The following CCDC7 variants were observed in gnomAD, a reference collection of about 807,000 sequenced individuals.
CCDC7 encodes the protein coiled-coil domain containing 7.
CCDC7 carries 183 observed loss-of-function variants against 196.9 expected under a neutral mutation model. That is an observed-to-expected ratio of 0.93 (90% CI 0.82 to 1.05). The LOEUF (loss-of-function observed/expected upper bound fraction) is 1.05. CCDC7 is among the 50% of genes least tolerant of loss of function. The pLI is 0.00. For missense variants in CCDC7, 1,540 were observed against 1,482.2 expected, an observed-to-expected ratio of 1.04 and a Z score of -0.64; for synonymous variants, 525 against 484.6, an observed-to-expected ratio of 1.08 and a Z score of -1.10.
At chr10:32,693,535 GTTACAC>G (rs1261796056) in intron 23 of CCDC7, among the ~76,000 whole-genome samples, 3 of 151,874 alleles carry the variant, frequency 2.0e-5, no homozygotes, top group South Asian at 2.1e-4. Flanking sequence ...TTGTTTTACA[GTTACAC>G]TTACAGTTGT....
chr10:32,652,169 T>A (rs1323486131), intron 20 of CCDC7, among the ~76,000 whole-genome samples: 1 of 152,206 alleles, frequency 6.6e-6, no homozygotes, highest in Non-Finnish European at 1.5e-5. Context: ...TATAATGGCT[T>A]GATTTATATT....
intron 11 of CCDC7, among the ~76,000 whole-genome samples, chr10:32,519,107 C>T (rs1279512235): frequency 1.3e-5 from 2 of 152,036 alleles, no homozygotes; most frequent in Non-Finnish European, 2.9e-5. Context: ...AGAAATCATA[C>T]AGGAGATTTG....
At chr10:32,631,063 G>T (rs1201141587) in intron 18 of CCDC7, among the ~76,000 whole-genome samples, 7 of 152,170 alleles carry the variant, frequency 4.6e-5, no homozygotes, top group Non-Finnish European at 7.3e-5. Flanking sequence ...CCATATGTAG[G>T]TTCTCTGGTT....
chr10:32,638,673 A>T (rs2066127839), intron 20 of CCDC7, among the ~76,000 whole-genome samples: 1 of 152,148 alleles, frequency 6.6e-6, no homozygotes, highest in Non-Finnish European at 1.5e-5. Flanking sequence ...TTCATCAAGG[A>T]TATTGGTCTA....
chr10:32,738,325 C>T (rs896412390), intron 28 of CCDC7, among the ~76,000 whole-genome samples: 1 of 152,130 alleles, frequency 6.6e-6, no homozygotes, highest in African/African-American at 2.4e-5. Context: ...ATTCCCATTT[C>T]CTGCCTTTTG....
chr10:32,760,680 G>A (rs1220454679), intron 28 of CCDC7, among the ~76,000 whole-genome samples: 2 of 151,642 alleles, frequency 1.3e-5, no homozygotes, highest in East Asian at 3.9e-4. Flanking sequence ...CACCAACATG[G>A]CACATGTATA....
At chr10:32,663,965 G>A (rs202240137) in intron 20 of CCDC7, 89 bp from the exon 22 acceptor site, 1 of 204,112 alleles carries the variant, frequency 4.9e-6, no homozygotes, top group Non-Finnish European at 8.5e-6. Context: ...AAATGAGACA[G>A]AATATGGCTG....
chr10:32,779,132 T>A, intron 29 of CCDC7, 48 bp downstream of exon 30: 1 of 1,352,136 alleles, frequency 7.4e-7, no homozygotes, highest in Non-Finnish European at 1.0e-6. Flanking sequence ...ATCTAAGAAT[T>A]AAAATATTTC....
intron 3 of CCDC7, 23 bp downstream of exon 4, chr10:32,456,357 C>T (rs1456775127): frequency 6.9e-7 from 1 of 1,450,440 alleles, no homozygotes; most frequent in Non-Finnish European, 9.3e-7. Flanking sequence ...TATATACTGT[C>T]AAGTATAAAA....
intron 21 of CCDC7, among the ~76,000 whole-genome samples, chr10:32,664,722 A>T (rs1591317814): frequency 1.3e-5 from 2 of 152,074 alleles, no homozygotes; most frequent in African/African-American, 4.8e-5. Flanking sequence ...CTGTGGCTGG[A>T]CACTAAGTTT....
intron 26 of CCDC7, among the ~76,000 whole-genome samples, chr10:32,728,595 A>G (rs780037012): frequency 6.6e-6 from 1 of 152,212 alleles, no homozygotes; most frequent in South Asian, 2.1e-4. Flanking sequence ...GCCTATGATT[A>G]TATATTAAGC....
At chr10:32,628,435 T>C (rs541242509) in intron 18 of CCDC7, among the ~76,000 whole-genome samples, 2 of 152,152 alleles carry the variant, frequency 1.3e-5, no homozygotes. Context: ...TTTAAAACTT[T>C]ACCATTTCAA....
exon 17 of CCDC7, chr10:32,583,261 T>C (rs931227016): frequency 2.2e-5 from 27 of 1,231,268 alleles, no homozygotes; most frequent in Non-Finnish European, 2.6e-5. Context: ...AACGAAACAG[T>C]GATATCACCA....
chr10:32,582,996 T>C, intron 16 of CCDC7, 38 bp from the exon 18 acceptor site: 7 of 1,202,254 alleles, frequency 5.8e-6, no homozygotes, highest in Non-Finnish European at 6.2e-6. Flanking sequence ...AAAATGGTCT[T>C]CACATAATCT....
chr10:32,683,699 G>T (rs1396705983), intron 21 of CCDC7, among the ~76,000 whole-genome samples: 2 of 152,146 alleles, frequency 1.3e-5, no homozygotes, highest in Non-Finnish European at 2.9e-5. Flanking sequence ...CACCCTGCTG[G>T]TGAGTACTGC....
intron 30 of CCDC7, among the ~76,000 whole-genome samples, chr10:32,809,453 G>A (rs1472275619): frequency 6.6e-6 from 1 of 151,952 alleles, no homozygotes. Flanking sequence ...ACATTCAGTG[G>A]GAGAAAATTT....
chr10:32,561,084 G>A (rs2055502518), intron 13 of CCDC7, among the ~76,000 whole-genome samples: 1 of 152,072 alleles, frequency 6.6e-6, no homozygotes, highest in Non-Finnish European at 1.5e-5. Flanking sequence ...ATTACGTAAT[G>A]GTAAAGGGAT....
At chr10:32,731,314 G>A (rs1000468257) in intron 28 of CCDC7, among the ~76,000 whole-genome samples, 1 of 152,072 alleles carries the variant, frequency 6.6e-6, no homozygotes, top group Non-Finnish European at 1.5e-5. Context: ...AGAACTTATA[G>A]TTGAATTGTT....
chr10:32,494,060 A>G (rs2042537580), intron 9 of CCDC7, among the ~76,000 whole-genome samples: 1 of 151,874 alleles, frequency 6.6e-6, no homozygotes, highest in African/African-American at 2.4e-5. Flanking sequence ...CCATTTGTCT[A>G]TTTTTGCTTT....
Sources: gnomAD v4.1 joint callset for allele counts (sites outside exome capture counted in the v4.1 genomes callset) on GRCh38, gnomAD v4.1.1 for gene constraint, MANE v1.5 for transcripts, NCBI Gene and HGNC (gene_info 2026-07-23, HGNC 2026-07-21) for gene names.